TLN2: variants seen among roughly 807,000 people sequenced by gnomAD.
The protein encoded by TLN2 is talin 2.
A neutral mutation model predicts 294.7 loss-of-function variants in TLN2; 118 were observed. The observed-to-expected ratio is 0.40, with a 90% CI of 0.34 to 0.47. The LOEUF (loss-of-function observed/expected upper bound fraction) is 0.47. Among genes scored for constraint, TLN2 ranks in the 20% least tolerant of loss-of-function variants. The pLI is 0.84. For missense variants in TLN2, 3,083 were observed against 3,282.2 expected (o/e 0.94, Z 1.48); for synonymous variants, 1,431 against 1,304.5 (o/e 1.10, Z -2.09).
chr15:62,839,212 C>T lies in TLN2; in HGVS notation c.7500+231C>T, dbSNP rs115691469. On this transcript the variant is annotated intron_variant, in intron 58 of 58. Coordinates refer to ENST00000636159, the MANE Select transcript of TLN2 (RefSeq NM_015059.3). ...CACGTTGGTTCAGTAGCCCCCTCAA[C>T]TTTCCATGTGGCAGGAAGAGGGAAA... Among the ~76,000 whole-genome samples the T allele has an allele frequency of 9.9e-3, 1,505 of 152,352 alleles. 29 individuals carry two copies. Among genetic ancestry groups the T allele is most frequent in the African/African-American group, 0.034 (1,426 of 41,578 alleles).
Position 62,692,924 on chromosome 15 carries a change from G to C in TLN2, c.1198G>C (p.Asp400His). Residue 400 changes from aspartate (D) to histidine (H), a missense_variant, in exon 13 of 59, where the codon GAC (aspartate) becomes CAC (histidine). By Grantham distance (81) the Asp-to-His change is moderately conservative (BLOSUM62 -1). Transcript: ENST00000636159. ...QISQLIAGYI[D>H]IILKKKQSKD... is the part of the protein sequence containing the mutation. ...ATCCCAGCTGATTGCAGGCTACATT[G>C]ACATCATCCTGAAAAAGGTATTTTG... is the stretch of plus-strand genomic sequence containing the variant. 6.2e-7 allele frequency: 1 copy of C among 1,612,042 alleles called. No individual in the cohort carries two copies. Among genetic ancestry groups the C allele is most frequent in the African/African-American group, 1.3e-5 (1 of 74,878 alleles).
chr15:62,711,948 C>T lies in TLN2; in HGVS notation c.2505C>T (p.Ala835=). 1 of 1,613,388 alleles carries T rather than the reference C, an allele frequency of 6.2e-7. No individual in the cohort carries two copies. The highest frequency in any genetic ancestry group is 8.5e-7 in the Non-Finnish European group (1 of 1,179,444). ...MVRQARVLAQ[A]TSDLVNAMRS... ...GCCAGGCGCGGGTTCTGGCCCAAGC[C>T]ACATCAGACCTCGTCAATGCCATGA... is the stretch of plus-strand genomic sequence containing the variant. The change falls in exon 22 of 59, where the codon GCC becomes GCT. Residue 835 remains alanine (A), a synonymous_variant. Transcript: ENST00000636159.
chr15:62,675,129 T>C (rs2141010629), intron 10 of TLN2, 88 bp from the exon 11 acceptor site: 2 of 1,221,526 alleles, frequency 1.6e-6, no homozygotes. Flanking sequence ...TAGCCATTTA[T>C]CTCCACCACA....
chr15:62,722,585 G>A, intron 26 of TLN2, 98 bp downstream of exon 26: 6 of 1,384,870 alleles, frequency 4.3e-6, no homozygotes, highest in Non-Finnish European at 5.7e-6. Flanking sequence ...CTATTTCTTG[G>A]CAAAGTTGTC....
At position 62,447,326 on chromosome 15, in the gene TLN2, C is replaced by T. The variant is rs554956120; in HGVS notation, c.-238+56641C>T. On this transcript the variant is annotated intron_variant, in intron 1 of 58. Coordinates refer to ENST00000636159, the MANE Select transcript of TLN2 (RefSeq NM_015059.3). Reference sequence around the variant, plus strand: ...GTTTTACGAGGTAGTGGGTCCAGAACGTCGGGGTGGGTTGCACAGTGGGAG... The same window carrying T: ...GTTTTACGAGGTAGTGGGTCCAGAATGTCGGGGTGGGTTGCACAGTGGGAG... Among the ~76,000 whole-genome samples the T allele has an allele frequency of 3.3e-5, 5 of 151,952 alleles. No individual in the cohort carries two copies. In the East Asian group the frequency reaches 5.8e-4, roughly 18 times the overall value.
rs572118891 is a variant in TLN2 at position 62,825,541 on chromosome 15, C to A, written c.7002+4931C>A. Among the ~76,000 whole-genome samples the A allele has an allele frequency of 2.2e-4, 33 of 150,264 alleles. No individual in the cohort carries two copies. In the South Asian group the frequency reaches 6.1e-3, roughly 28 times the overall value. Reference sequence around the variant, plus strand: ...GCACTCATTGGTTCCAGACCAGGAGCATACAGGGTGTGAAAAGCAAGTATG... The same window carrying A: ...GCACTCATTGGTTCCAGACCAGGAGAATACAGGGTGTGAAAAGCAAGTATG... On this transcript the variant is annotated intron_variant, in intron 54 of 58. Coordinates refer to ENST00000636159, the MANE Select transcript of TLN2 (RefSeq NM_015059.3).
At chr15:62,781,729 G>C (rs2064186268) in intron 44 of TLN2, among the ~76,000 whole-genome samples, 1 of 152,076 alleles carries the variant, frequency 6.6e-6, no homozygotes, top group Non-Finnish European at 1.5e-5. Flanking sequence ...CAGGCAAAAT[G>C]AAACAGTATG....
chr15:62,421,425 T>C (rs1256186758), intron 1 of TLN2, among the ~76,000 whole-genome samples: 1 of 152,068 alleles, frequency 6.6e-6, no homozygotes, highest in Non-Finnish European at 1.5e-5. Flanking sequence ...TATGTACATA[T>C]GAAGGAAAAC....
At chr15:62,467,565 G>T (rs184283796) in intron 1 of TLN2, among the ~76,000 whole-genome samples, 1 of 152,134 alleles carries the variant, frequency 6.6e-6, no homozygotes, top group African/African-American at 2.4e-5. Context: ...GGTGGTGCAC[G>T]CCTGTAATCC....
At chr15:62,756,392 C>T (rs2062251630) in intron 37 of TLN2, among the ~76,000 whole-genome samples, 1 of 152,128 alleles carries the variant, frequency 6.6e-6, no homozygotes. Flanking sequence ...ACAGTCTGCC[C>T]TCAGCTAGGA....
At chr15:62,601,102 C>T (rs1297484967) in intron 2 of TLN2, among the ~76,000 whole-genome samples, 3 of 152,124 alleles carry the variant, frequency 2.0e-5, no homozygotes, top group African/African-American at 7.2e-5. Flanking sequence ...GTTGATGAAG[C>T]TGGGTTGTTT....
rs1208286254 is a variant in TLN2 at position 62,702,128 on chromosome 15, G to T, written c.1833G>T (p.Leu611Phe). The T allele has an allele frequency of 6.2e-7, 1 of 1,613,956 alleles. No homozygotes were observed. The highest frequency in any genetic ancestry group is 8.5e-7 in the Non-Finnish European group (1 of 1,179,988). Residue 611 changes from leucine (L) to phenylalanine (F), a missense_variant, in exon 18 of 59, where the codon TTG (leucine) becomes TTT (phenylalanine). Physicochemically the swap from Leu to Phe is conservative, Grantham distance 22. Coordinates refer to ENST00000636159, the MANE Select transcript of TLN2 (RefSeq NM_015059.3). ...MDDEVGSGED[L>F]LRAARTLAGA... Reference sequence around the variant, plus strand: ...ATGAGGTGGGCAGCGGGGAGGACTTGCTCAGAGCTGCCAGGACCCTCGCTG... The same window carrying T: ...ATGAGGTGGGCAGCGGGGAGGACTTTCTCAGAGCTGCCAGGACCCTCGCTG...
intron 1 of TLN2, among the ~76,000 whole-genome samples, chr15:62,574,953 C>A (rs1270100565): frequency 6.6e-6 from 1 of 151,478 alleles, no homozygotes; most frequent in African/African-American, 2.4e-5. Context: ...GGGAGATTGC[C>A]AAAAAAAATG....
chr15:62,437,387 C>G (rs2035335680), intron 1 of TLN2, among the ~76,000 whole-genome samples: 1 of 151,700 alleles, frequency 6.6e-6, no homozygotes, highest in African/African-American at 2.4e-5. Context: ...CTAGCTGGGA[C>G]TATAAGTGCG....
At chr15:62,478,839 G>A (rs7180426) in intron 1 of TLN2, among the ~76,000 whole-genome samples, 16,721 of 152,200 alleles carry the variant, frequency 0.11, 1,084 homozygotes, top group Non-Finnish European at 0.14. Flanking sequence ...TTTTCATTAG[G>A]CTTCTCAACT....
At chr15:62,660,925 T>C (rs1250325962) in intron 9 of TLN2, among the ~76,000 whole-genome samples, 1 of 152,200 alleles carries the variant, frequency 6.6e-6, no homozygotes, top group Non-Finnish European at 1.5e-5. Context: ...TTAAACTGTA[T>C]TTTAAGTGCA....
intron 1 of TLN2, among the ~76,000 whole-genome samples, chr15:62,439,721 G>T (rs546813105): frequency 4.6e-5 from 7 of 152,304 alleles, no homozygotes; most frequent in African/African-American, 1.4e-4. Flanking sequence ...CTCTCTGATT[G>T]TGAAAGCCTC....
intron 2 of TLN2, among the ~76,000 whole-genome samples, chr15:62,597,395 A>G (rs1277932617): frequency 6.6e-6 from 1 of 152,226 alleles, no homozygotes; most frequent in Non-Finnish European, 1.5e-5. Flanking sequence ...CAGAGCCTGA[A>G]GTCCTCACCC....
chr15:62,397,749 G>T (rs1350188818), intron 1 of TLN2, among the ~76,000 whole-genome samples: 1 of 152,140 alleles, frequency 6.6e-6, no homozygotes, highest in African/African-American at 2.4e-5. Context: ...AGATTATTGG[G>T]CCTGAGTTTC....
Sources: gnomAD v4.1 joint callset for allele counts (sites outside exome capture counted in the v4.1 genomes callset) on GRCh38, gnomAD v4.1.1 for gene constraint, MANE v1.5 for transcripts, NCBI Gene and HGNC (gene_info 2026-07-23, HGNC 2026-07-21) for gene names.